DYM: variants seen among roughly 807,000 people sequenced by gnomAD.
DYM encodes dymeclin, also known as dyggve-Melchior-Clausen syndrome protein.
Under a neutral mutation model 93.1 loss-of-function variants are expected in DYM, and 78 were observed. The ratio of observed to expected loss-of-function variants is 0.84; its 90% CI spans 0.70 to 1.01. DYM has a LOEUF of 1.01. DYM is among the 50% of genes least tolerant of loss of function. The pLI is 0.00. For synonymous variants in DYM, 321 were observed against 319.7 expected, an observed-to-expected ratio of 1.00 and a Z score of -0.04; for missense variants, 789 against 845.0, an observed-to-expected ratio of 0.93 and a Z score of 0.82.
chr18:49,122,101 A>ATATATAT (rs2082430575), intron 15 of DYM, among the ~76,000 whole-genome samples: 1 of 152,200 alleles, frequency 6.6e-6, no homozygotes. Context: ...CATTCTGCTG[A>ATATATAT]TGGACATCCA....
chr18:49,401,020 ATGT>A (rs1440431252), intron 2 of DYM, among the ~76,000 whole-genome samples: 13 of 152,314 alleles, frequency 8.5e-5, no homozygotes, highest in African/African-American at 2.6e-4. Context: ...TAGAAACCAA[ATGT>A]TGTTTCTGAA....
intron 17 of DYM, among the ~76,000 whole-genome samples, chr18:49,050,148 G>A (rs773558304): frequency 2.0e-5 from 3 of 148,328 alleles, no homozygotes; most frequent in East Asian, 2.1e-4. Flanking sequence ...GTGCAATGGC[G>A]CGATCTCGGC....
chr18:49,127,513 G>T (rs977544586), intron 15 of DYM, among the ~76,000 whole-genome samples: 3 of 152,096 alleles, frequency 2.0e-5, no homozygotes, highest in Admixed American at 6.5e-5. Context: ...TAGTTTTGGG[G>T]GGATTCCAAG....
chr18:49,323,078 G>A (rs1016608454), intron 8 of DYM, among the ~76,000 whole-genome samples: 1 of 152,118 alleles, frequency 6.6e-6, no homozygotes, highest in Non-Finnish European at 1.5e-5. Context: ...CAATGTAAGT[G>A]GTGGCCCTCA....
At chr18:49,137,062 G>A (rs1268178288) in intron 15 of DYM, among the ~76,000 whole-genome samples, 1 of 152,220 alleles carries the variant, frequency 6.6e-6, no homozygotes, top group Non-Finnish European at 1.5e-5. Flanking sequence ...GAATGAAGAT[G>A]CAGCTGATTC....
intron 1 of DYM, among the ~76,000 whole-genome samples, chr18:49,431,033 G>T (rs1372429074): frequency 6.6e-6 from 1 of 152,136 alleles, no homozygotes; most frequent in Non-Finnish European, 1.5e-5. Context: ...CATAATAATG[G>T]TAACTTATAA....
At chr18:49,224,332 T>G (rs1330211364) in intron 13 of DYM, among the ~76,000 whole-genome samples, 1 of 152,060 alleles carries the variant, frequency 6.6e-6, no homozygotes, top group African/African-American at 2.4e-5. Context: ...TGATTGGACA[T>G]GCAGGTCTGA....
At chr18:49,156,244 T>G (rs77881690) in intron 15 of DYM, among the ~76,000 whole-genome samples, 1,672 of 152,242 alleles carry the variant, frequency 0.011, 27 homozygotes, top group African/African-American at 0.038. Context: ...CAGTAAAAAT[T>G]TTATTGCTAA....
At chr18:49,216,789 C>T (rs1475553232) in intron 13 of DYM, among the ~76,000 whole-genome samples, 1 of 152,070 alleles carries the variant, frequency 6.6e-6, no homozygotes, top group Non-Finnish European at 1.5e-5. Flanking sequence ...GTAGATAAAA[C>T]CACAAAGATG....
At chr18:49,203,969 C>T (rs1377939998) in intron 14 of DYM, among the ~76,000 whole-genome samples, 4 of 134,842 alleles carry the variant, frequency 3.0e-5, no homozygotes, top group African/African-American at 8.2e-5. Context: ...GAGAAGTAAA[C>T]TTCCATTTGC....
chr18:49,292,316 G>A (rs142195481), intron 8 of DYM, among the ~76,000 whole-genome samples: 116 of 29,246 alleles, frequency 4.0e-3, no homozygotes, highest in East Asian at 0.014. Context: ...AGACAGACAG[G>A]CAGGCAGGCA....
At chr18:49,434,346 CAAA>C (rs60975784) in intron 1 of DYM, among the ~76,000 whole-genome samples, 195 of 134,656 alleles carry the variant, frequency 1.4e-3, no homozygotes, top group African/African-American at 3.1e-3. Flanking sequence ...GACTCCATCT[CAAA>C]AAAAAAAAAA....
intron 8 of DYM, among the ~76,000 whole-genome samples, chr18:49,328,983 C>T (rs563802184): frequency 0.018 from 2,668 of 152,138 alleles, 88 homozygotes; most frequent in African/African-American, 0.061. Context: ...CACACACACA[C>T]ATATGTTTAT....
At chr18:49,371,734 G>A (rs1170416960) in intron 5 of DYM, among the ~76,000 whole-genome samples, 1 of 152,202 alleles carries the variant, frequency 6.6e-6, no homozygotes, top group African/African-American at 2.4e-5. Context: ...GCCTAGGGCT[G>A]GCTTTGTCCC....
intron 15 of DYM, among the ~76,000 whole-genome samples, chr18:49,152,164 G>T (rs573347600): frequency 1.3e-3 from 199 of 152,162 alleles, no homozygotes; most frequent in African/African-American, 4.4e-3. Flanking sequence ...GAACATAAAA[G>T]TTTTTTAATA....
chr18:49,105,994 T>C (rs563851940), intron 16 of DYM, among the ~76,000 whole-genome samples: 4 of 152,218 alleles, frequency 2.6e-5, no homozygotes, highest in African/African-American at 9.6e-5. Context: ...ATCTGTCTAA[T>C]GTTGACAGTG....
chr18:49,386,682 T>C (rs969720363), intron 3 of DYM, among the ~76,000 whole-genome samples: 13 of 152,188 alleles, frequency 8.5e-5, no homozygotes, highest in African/African-American at 2.4e-4. Context: ...GGTGGGATCC[T>C]GGAACAGTGA....
chr18:49,390,968 C>T (rs563684526), intron 3 of DYM, among the ~76,000 whole-genome samples: 1 of 152,288 alleles, frequency 6.6e-6, no homozygotes, highest in South Asian at 2.1e-4. Context: ...TTGCTATGAA[C>T]TTGAAAGTTA....
intron 17 of DYM, among the ~76,000 whole-genome samples, chr18:49,080,695 A>G (rs2077871081): frequency 7.5e-6 from 1 of 132,568 alleles, no homozygotes; most frequent in African/African-American, 2.9e-5. Context: ...GACGCTCCTC[A>G]CTTCCCAGAC....
Sources: allele counts gnomAD v4.1 joint callset (sites outside exome capture counted in the v4.1 genomes callset), GRCh38; gene constraint gnomAD v4.1.1; transcripts MANE v1.5; gene names NCBI Gene and HGNC (gene_info 2026-07-23, HGNC 2026-07-21).